The following OLFML2B variants were observed in gnomAD, a reference collection of about 807,000 sequenced individuals.
OLFML2B encodes olfactomedin-like protein 2B.
In OLFML2B, 57 loss-of-function variants were observed where a neutral mutation model predicts 74.9. The observed-to-expected ratio is 0.76, with a 90% CI of 0.61 to 0.95. The LOEUF (loss-of-function observed/expected upper bound fraction) is 0.95. Ranked by LOEUF, OLFML2B falls within the 40% of genes least tolerant of loss-of-function variation. The pLI is 0.00. For missense variants in OLFML2B, 986 were observed against 970.6 expected, an observed-to-expected ratio of 1.02 and a Z score of -0.21; for synonymous variants, 388 against 405.8, an observed-to-expected ratio of 0.96 and a Z score of 0.53.
chr1:162,012,951 G>A (rs572097948), intron 3 of OLFML2B, among the ~76,000 whole-genome samples: 10 of 152,298 alleles, frequency 6.6e-5, no homozygotes, highest in Non-Finnish European at 1.0e-4. Context: ...CCTGGAAGCA[G>A]TATGTGCTGC....
At chr1:161,998,671 A>G (rs1190058650) in intron 5 of OLFML2B, among the ~76,000 whole-genome samples, 1 of 152,180 alleles carries the variant, frequency 6.6e-6, no homozygotes, top group African/African-American at 2.4e-5. Flanking sequence ...TCCTTCCAGC[A>G]CATGTTTATG....
chr1:162,004,911 T>C (rs1250449057), intron 4 of OLFML2B, among the ~76,000 whole-genome samples: 1 of 152,222 alleles, frequency 6.6e-6, no homozygotes, highest in Non-Finnish European at 1.5e-5. Flanking sequence ...AACTCTGCCA[T>C]CTACCATCAA....
chr1:161,995,360 C>G (rs1159587448), intron 6 of OLFML2B, among the ~76,000 whole-genome samples: 2 of 152,214 alleles, frequency 1.3e-5, no homozygotes, highest in Admixed American at 6.5e-5. Context: ...ATGCCACGGG[C>G]TAGTCTTTAA....
At chr1:162,004,404 C>T (rs1357941140) in intron 4 of OLFML2B, among the ~76,000 whole-genome samples, 1 of 152,134 alleles carries the variant, frequency 6.6e-6, no homozygotes, top group Non-Finnish European at 1.5e-5. Flanking sequence ...TATGATATTT[C>T]CAAAAAAGCA....
At chr1:162,023,208 T>C (rs1690774811) in intron 1 of OLFML2B, 49 bp downstream of exon 1, 2 of 1,438,066 alleles carry the variant, frequency 1.4e-6, no homozygotes, top group Admixed American at 4.8e-5. Context: ...CTTCTGGCTC[T>C]CACCACCATC....
intron 1 of OLFML2B, among the ~76,000 whole-genome samples, chr1:162,022,260 T>TTTTTTTTTTTTTTTTTTTTTTTTTTTC (rs1460566719): frequency 7.6e-4 from 97 of 127,844 alleles, no homozygotes; most frequent in African/African-American, 1.1e-3. Context: ...TTTTTTTTTT[T>TTTTTTTTTTTTTTTTTTTTTTTTTTTC]TTTTTTTTGA....
chr1:162,013,201 G>T (rs1321206567), intron 3 of OLFML2B, among the ~76,000 whole-genome samples: 3 of 152,040 alleles, frequency 2.0e-5, no homozygotes, highest in African/African-American at 7.2e-5. Flanking sequence ...TATGTTCTGT[G>T]CCCACCCACC....
intron 3 of OLFML2B, among the ~76,000 whole-genome samples, chr1:162,017,045 A>G (rs1690560954): frequency 6.6e-6 from 1 of 152,250 alleles, no homozygotes; most frequent in South Asian, 2.1e-4. Flanking sequence ...ATACAAAGGA[A>G]GGAGATGACT....
intron 5 of OLFML2B, among the ~76,000 whole-genome samples, chr1:161,999,013 A>G (rs1690008668): frequency 2.0e-5 from 3 of 152,236 alleles, no homozygotes; most frequent in African/African-American, 7.2e-5. Context: ...GCAGCGGCCC[A>G]GGAGCAGCGA....
At position 162,006,422 on chromosome 1, in the gene OLFML2B, C is replaced by T. The variant is rs1690233545; in HGVS notation, c.598G>A (p.Glu200Lys). 1.9e-6 allele frequency: 3 copies of T among 1,610,698 alleles called. No individual in the cohort carries two copies. Among genetic ancestry groups the T allele is most frequent in the Non-Finnish European group, 2.5e-6 (3 of 1,179,140 alleles). The change falls in exon 4 of 8, where the codon GAA (glutamate) becomes AAA (lysine). Residue 200 changes from glutamate to lysine, a missense_variant. Transcript: ENST00000294794. The stretch of plus-strand genomic sequence containing the variant: ...TTATTCATCTCGGTTCGAATTTCTT[C>T]CATGTCCTCTTTGATTTGTTCATTT... ...KENEQIKEDM[E>K]EIRTEMNKRG...
intron 1 of OLFML2B, among the ~76,000 whole-genome samples, chr1:162,023,012 CG>C (rs2101984523): frequency 6.6e-6 from 1 of 152,248 alleles, no homozygotes; most frequent in East Asian, 1.9e-4. Flanking sequence ...AGAAGTCGAG[CG>C]GCATCTTCCC....
chr1:161,997,370 G>A (rs10918414), intron 6 of OLFML2B, among the ~76,000 whole-genome samples: 4,053 of 152,116 alleles, frequency 0.027, 95 homozygotes, highest in East Asian at 0.11. Context: ...GATTTTGCAC[G>A]GAGGCCCATT....
intron 6 of OLFML2B, among the ~76,000 whole-genome samples, chr1:161,986,404 C>T (rs75083386): frequency 1.3e-5 from 2 of 152,212 alleles, no homozygotes; most frequent in African/African-American, 2.4e-5. Flanking sequence ...CAGCTGGGCC[C>T]TTGGCCCTGG....
In OLFML2B at chr1:161,998,192, T is replaced by C. The variant is rs1260884549; in HGVS notation, c.1107A>G (p.Ala369=). ...GCTGTGGCAGTGCTGAGGACCAGGG[T>C]GCGGTCCGAGCGTTCAGGTCGCTTG... The part of the protein sequence containing the change: ...AVTSDLNART[A]PWSSALPQPS... Residue 369 remains alanine, a synonymous_variant, in exon 6 of 8, where the codon GCA becomes GCG. Transcript: ENST00000294794. 6.2e-7 allele frequency: 1 copy of C among 1,614,004 alleles called. No individual in the cohort carries two copies. The highest frequency in any genetic ancestry group is 1.1e-5 in the South Asian group (1 of 91,064).
intron 5 of OLFML2B, among the ~76,000 whole-genome samples, chr1:161,998,768 G>A (rs1178487728): frequency 6.6e-6 from 1 of 152,194 alleles, no homozygotes; most frequent in African/African-American, 2.4e-5. Flanking sequence ...ATAATAGACA[G>A]GATTGTGCAC....
chr1:161,984,875 C>T lies in OLFML2B; in HGVS notation c.1580G>A (p.Arg527Gln), dbSNP rs756430892. The T allele has an allele frequency of 2.3e-5, 37 of 1,612,380 alleles. No homozygotes were observed. The highest frequency in any genetic ancestry group is 1.7e-4 in the African/African-American group (13 of 74,350). ...GTAGTAATAGTTGGTTACGTAAATC[C>T]GCTCATCCTTGGCCAGGGGGTCCTT... is the stretch of plus-strand genomic sequence containing the variant. ...WMKDPLAKDE[R>Q]IYVTNYYYGN... is the part of the protein sequence containing the mutation. The change falls in exon 7 of 8, where the codon CGG (arginine) becomes CAG (glutamine). Residue 527 changes from arginine (R) to glutamine (Q), a missense_variant. By Grantham distance (43) the Arg-to-Gln change is conservative (BLOSUM62 1). Coordinates refer to ENST00000294794, the MANE Select transcript of OLFML2B (RefSeq NM_015441.3).
At chr1:161,991,708 C>T (rs575510413) in intron 6 of OLFML2B, among the ~76,000 whole-genome samples, 1 of 152,306 alleles carries the variant, frequency 6.6e-6, no homozygotes, top group African/African-American at 2.4e-5. Context: ...TGCATTCCAG[C>T]CTTGGTGACA....
chr1:161,985,715 A>T (rs7537366), intron 6 of OLFML2B, among the ~76,000 whole-genome samples: 41,436 of 152,098 alleles, frequency 0.27, 6,376 homozygotes, highest in African/African-American at 0.41. Context: ...CCCAAGCCTA[A>T]GCCCCTGTCA....
chr1:162,004,093 A>G (rs1690154841), intron 4 of OLFML2B, among the ~76,000 whole-genome samples: 1 of 152,188 alleles, frequency 6.6e-6, no homozygotes, highest in African/African-American at 2.4e-5. Flanking sequence ...TGTCATCAAG[A>G]CAACAGATGC....
Sources: gnomAD v4.1 joint callset for allele counts (sites outside exome capture counted in the v4.1 genomes callset) on GRCh38, gnomAD v4.1.1 for gene constraint, MANE v1.5 for transcripts, NCBI Gene and HGNC (gene_info 2026-07-23, HGNC 2026-07-21) for gene names.